The following TNRC6C variants were observed in gnomAD, a reference collection of about 807,000 sequenced individuals.
TNRC6C encodes the protein trinucleotide repeat-containing gene 6C protein.
Under a neutral mutation model 153.7 loss-of-function variants are expected in TNRC6C, and 20 were observed. The observed-to-expected ratio is 0.13, with a 90% CI of 0.09 to 0.19. The LOEUF (loss-of-function observed/expected upper bound fraction) is 0.19. Ranked by LOEUF, TNRC6C falls within the 10% of genes least tolerant of loss-of-function variation. The pLI is 1.00. For synonymous variants in TNRC6C, 811 were observed against 841.4 expected (o/e 0.96, Z 0.63); for missense variants, 1,987 against 2,172.0 (o/e 0.91, Z 1.69).
At chr17:77,981,907 A>G (rs8080086) in intron 1 of TNRC6C, among the ~76,000 whole-genome samples, 69,298 of 152,050 alleles carry the variant, frequency 0.46, 17,727 homozygotes, top group African/African-American at 0.7. Flanking sequence ...ACCCCTAGGT[A>G]TTGTGGACTG....
At chr17:77,972,873 C>G (rs1319773470) in intron 1 of TNRC6C, among the ~76,000 whole-genome samples, 1 of 152,130 alleles carries the variant, frequency 6.6e-6, no homozygotes, top group Non-Finnish European at 1.5e-5. Context: ...TACCACGATG[C>G]CAGAGCCAAT....
intron 14 of TNRC6C, among the ~76,000 whole-genome samples, chr17:78,092,050 C>A (rs1156744573): frequency 6.6e-6 from 1 of 152,144 alleles, no homozygotes; most frequent in Non-Finnish European, 1.5e-5. Flanking sequence ...CTGTCTTACT[C>A]CAAACTGGTG....
At chr17:77,997,558 A>G (rs750293753) in intron 1 of TNRC6C, among the ~76,000 whole-genome samples, 2 of 151,954 alleles carry the variant, frequency 1.3e-5, no homozygotes, top group South Asian at 4.1e-4. Context: ...CATTGAAACC[A>G]CTTCTCATCA....
At chr17:78,101,542 C>A (rs1427950117) in intron 17 of TNRC6C, among the ~76,000 whole-genome samples, 3 of 152,196 alleles carry the variant, frequency 2.0e-5, no homozygotes, top group Non-Finnish European at 4.4e-5. Context: ...TAAAGACACA[C>A]ACACAGAAAT....
intron 1 of TNRC6C, among the ~76,000 whole-genome samples, chr17:77,996,813 T>C (rs545017034): frequency 6.6e-6 from 1 of 152,178 alleles, no homozygotes; most frequent in East Asian, 1.9e-4. Flanking sequence ...TGCCCTTCGA[T>C]TAGTCAGACA....
At chr17:78,055,701 A>G (rs564685192) in intron 3 of TNRC6C, among the ~76,000 whole-genome samples, 1 of 152,336 alleles carries the variant, frequency 6.6e-6, no homozygotes, top group Admixed American at 6.5e-5. Context: ...TTCAGGCTAC[A>G]GAGGGCCCTA....
chr17:77,973,665 T>C (rs1340116783), intron 1 of TNRC6C, among the ~76,000 whole-genome samples: 3 of 152,218 alleles, frequency 2.0e-5, no homozygotes, highest in African/African-American at 7.2e-5. Flanking sequence ...AGACCAGTGT[T>C]TGAAAATCAT....
chr17:78,045,179 G>A (rs1412421600), intron 2 of TNRC6C, among the ~76,000 whole-genome samples: 1 of 152,208 alleles, frequency 6.6e-6, no homozygotes. Context: ...GAAGAGACCT[G>A]TTGGAAAGTT....
intron 1 of TNRC6C, among the ~76,000 whole-genome samples, 182 bp downstream of exon 1, chr17:77,959,450 C>G (rs1460536011): frequency 2.0e-5 from 3 of 151,658 alleles, no homozygotes; most frequent in Non-Finnish European, 4.4e-5. Flanking sequence ...GGCCGGGGCG[C>G]GTGTGTGCTA....
chr17:78,090,528 A>AG (rs777706665), intron 13 of TNRC6C, among the ~76,000 whole-genome samples: 2 of 152,084 alleles, frequency 1.3e-5, no homozygotes, highest in African/African-American at 2.4e-5. Flanking sequence ...ATACAAGGGG[A>AG]GGGGGGCGCT....
chr17:77,974,491 C>CA (rs560523229), intron 1 of TNRC6C, among the ~76,000 whole-genome samples: 3 of 150,964 alleles, frequency 2.0e-5, no homozygotes, highest in Non-Finnish European at 4.4e-5. Context: ...CGCCCCGCCC[C>CA]AAAAAAAAAG....
intron 10 of TNRC6C, among the ~76,000 whole-genome samples, chr17:78,082,548 C>T (rs1225755608): frequency 1.3e-5 from 2 of 152,162 alleles, no homozygotes; most frequent in South Asian, 2.1e-4. Context: ...AACTAGATAA[C>T]TGTTTAGACC....
chr17:78,056,348 G>A (rs1265054038), intron 3 of TNRC6C, among the ~76,000 whole-genome samples: 1 of 151,332 alleles, frequency 6.6e-6, no homozygotes. Flanking sequence ...AGTAGAGATG[G>A]GGTTTCACCA....
chr17:78,005,526 G>A (rs1345619534), intron 1 of TNRC6C, among the ~76,000 whole-genome samples: 1 of 152,050 alleles, frequency 6.6e-6, no homozygotes, highest in Non-Finnish European at 1.5e-5. Context: ...TATCCTCCAA[G>A]TCCAGAATTT....
At chr17:78,107,328 AAAC>A (rs765800330) in exon 20 of TNRC6C, 19 of 152,290 alleles carry the variant, frequency 1.2e-4, no homozygotes, top group South Asian at 2.1e-4. Context: ...CTCTGAGATT[AAAC>A]AACAAGTTCG....
chr17:78,005,579 T>C (rs1433294699), intron 1 of TNRC6C, among the ~76,000 whole-genome samples: 1 of 152,214 alleles, frequency 6.6e-6, no homozygotes, highest in Non-Finnish European at 1.5e-5. Context: ...CACGCATTTC[T>C]CACTGTTACT....
chr17:78,083,293 T>A, intron 11 of TNRC6C, 127 bp downstream of exon 13: 9 of 1,278,972 alleles, frequency 7.0e-6, no homozygotes, highest in South Asian at 1.4e-5. Context: ...TCTCATGAAG[T>A]ATTTAAACTC....
At chr17:77,958,704 G>T (rs2070832857), upstream of TNRC6C, among the ~76,000 whole-genome samples, 1 of 151,768 alleles carries the variant, frequency 6.6e-6, no homozygotes, top group Non-Finnish European at 1.5e-5. Flanking sequence ...GTTCTTGTCA[G>T]TTAGAGCAAC....
chr17:78,022,269 A>T (rs560669467), intron 1 of TNRC6C, among the ~76,000 whole-genome samples: 1 of 152,354 alleles, frequency 6.6e-6, no homozygotes, highest in Admixed American at 6.5e-5. Flanking sequence ...TTTAAAAATG[A>T]GTCTGTCTTA....
Sources: gnomAD v4.1 joint callset for allele counts (sites outside exome capture counted in the v4.1 genomes callset) on GRCh38, gnomAD v4.1.1 for gene constraint, MANE v1.5 for transcripts, NCBI Gene and HGNC (gene_info 2026-07-23, HGNC 2026-07-21) for gene names.